RBFOX1: variants seen among roughly 807,000 people sequenced by gnomAD.
RBFOX1 encodes RNA binding fox-1 homolog 1.
Under a neutral mutation model 57.7 loss-of-function variants are expected in RBFOX1, and 8 were observed. That is an observed-to-expected ratio of 0.14 (90% CI 0.08 to 0.25). The LOEUF (loss-of-function observed/expected upper bound fraction) is 0.25, where lower values mean the gene tolerates loss of function less well. RBFOX1 is among the 10% of genes least tolerant of loss of function. The pLI is 1.00. For missense variants in RBFOX1, 611 were observed against 548.5 expected (o/e 1.11, Z -1.14); for synonymous variants, 326 against 222.4 (o/e 1.47, Z -4.15).
At chr16:6,776,704 G>A (rs976023539) in intron 3 of RBFOX1, among the ~76,000 whole-genome samples, 1 of 152,136 alleles carries the variant, frequency 6.6e-6, no homozygotes, top group East Asian at 1.9e-4. Context: ...CCCCATGCCT[G>A]CCAGGATGCA....
chr16:6,265,230 A>ATT (rs911185555), intron 1 of RBFOX1, among the ~76,000 whole-genome samples: 2 of 148,986 alleles, frequency 1.3e-5, no homozygotes, highest in African/African-American at 4.9e-5. Context: ...AAGTGGCCCT[A>ATT]TTTTTTTTTT....
chr16:6,245,324 A>G (rs2097563230), intron 1 of RBFOX1, among the ~76,000 whole-genome samples: 1 of 152,166 alleles, frequency 6.6e-6, no homozygotes, highest in Non-Finnish European at 1.5e-5. Flanking sequence ...ACCTTGCCAA[A>G]TACGTTTTCC....
intron 3 of RBFOX1, among the ~76,000 whole-genome samples, chr16:5,688,612 G>C (rs2050574800): frequency 6.6e-6 from 1 of 152,176 alleles, no homozygotes; most frequent in African/African-American, 2.4e-5. Context: ...GTGATGGCCT[G>C]AACTGGATGG....
At chr16:6,469,947 G>A (rs1339665410) in intron 2 of RBFOX1, among the ~76,000 whole-genome samples, 1 of 152,088 alleles carries the variant, frequency 6.6e-6, no homozygotes, top group African/African-American at 2.4e-5. Flanking sequence ...CATCTTACTG[G>A]TGATAAAGAG....
At chr16:6,655,625 G>C (rs917922174) in intron 3 of RBFOX1, among the ~76,000 whole-genome samples, 29 of 152,080 alleles carry the variant, frequency 1.9e-4, no homozygotes, top group African/African-American at 6.8e-4. Context: ...ATTGACAAGA[G>C]TTCACAGACA....
chr16:6,224,846 C>G (rs922620159), intron 1 of RBFOX1, among the ~76,000 whole-genome samples: 1 of 151,842 alleles, frequency 6.6e-6, no homozygotes, highest in Admixed American at 6.6e-5. Flanking sequence ...CATGGGAAAC[C>G]CCATCTCTAT....
At chr16:6,433,089 G>A (rs1177176553) in intron 2 of RBFOX1, among the ~76,000 whole-genome samples, 3 of 152,214 alleles carry the variant, frequency 2.0e-5, no homozygotes, top group South Asian at 2.1e-4. Flanking sequence ...GAAAGTCAGG[G>A]GAGAAAGTCA....
At chr16:5,469,773 C>T (rs904707528) in intron 2 of RBFOX1, among the ~76,000 whole-genome samples, 12 of 152,140 alleles carry the variant, frequency 7.9e-5, no homozygotes, top group Non-Finnish European at 1.6e-4. Context: ...TGTGGTCTTC[C>T]GTATCTGGCT....
intron 4 of RBFOX1, among the ~76,000 whole-genome samples, chr16:7,299,864 G>A (rs1295930242): frequency 1.3e-5 from 2 of 152,186 alleles, no homozygotes; most frequent in African/African-American, 2.4e-5. Flanking sequence ...TAAACCCATT[G>A]TAAGTTGAAA....
At chr16:6,248,485 C>A (rs578255977) in intron 1 of RBFOX1, among the ~76,000 whole-genome samples, 9 of 151,946 alleles carry the variant, frequency 5.9e-5, no homozygotes, top group Admixed American at 2.0e-4. Flanking sequence ...GAGCAATGTG[C>A]GTAGAGTATA....
chr16:7,276,554 AT>A (rs199648940), intron 4 of RBFOX1, among the ~76,000 whole-genome samples: 7 of 151,406 alleles, frequency 4.6e-5, no homozygotes, highest in South Asian at 2.1e-4. Flanking sequence ...TCCTTGACTG[AT>A]TTTTTTTTAA....
At chr16:6,479,579 T>C (rs983809494) in intron 2 of RBFOX1, among the ~76,000 whole-genome samples, 2 of 151,630 alleles carry the variant, frequency 1.3e-5, no homozygotes, top group Admixed American at 1.3e-4. Context: ...TAGAACGAGA[T>C]GCTGTCTCAA....
chr16:6,492,899 G>A (rs1441162260), intron 2 of RBFOX1, among the ~76,000 whole-genome samples: 3 of 152,218 alleles, frequency 2.0e-5, no homozygotes, highest in Non-Finnish European at 2.9e-5. Context: ...TACATAGAGG[G>A]CAATACTGCA....
chr16:7,323,439 T>A (rs2143303843), intron 4 of RBFOX1, among the ~76,000 whole-genome samples: 1 of 152,178 alleles, frequency 6.6e-6, no homozygotes, highest in East Asian at 1.9e-4. Flanking sequence ...ATAAATAAAA[T>A]AATTTTCTAA....
In RBFOX1 at chr16:5,681,136, C is replaced by T. The variant is rs970963984; in HGVS notation, c.318+82175C>T. Among the ~76,000 whole-genome samples, 5 of 151,766 alleles carry T rather than the reference C, an allele frequency of 3.3e-5. No individual in the cohort carries two copies. The East Asian group carries it at 5.8e-4, about 18-fold the overall frequency. ...TCACCCAGTCTGGAGTGCAGTGGTG[C>T]GATCTCGGCTCACTGCAAGCTCCAC... On this transcript the variant is annotated intron_variant, in intron 3 of 19. Transcript: ENST00000641259.
intron 3 of RBFOX1, among the ~76,000 whole-genome samples, chr16:6,667,836 C>A (rs1468373937): frequency 6.6e-6 from 1 of 151,868 alleles, no homozygotes; most frequent in African/African-American, 2.4e-5. Context: ...CTGCAGTGAC[C>A]TATAGTCGTA....
intron 4 of RBFOX1, among the ~76,000 whole-genome samples, chr16:7,183,865 C>G (rs1208418991): frequency 6.6e-6 from 1 of 152,140 alleles, no homozygotes; most frequent in African/African-American, 2.4e-5. Flanking sequence ...GGTCTCTGCC[C>G]TCATGGAACC....
At chr16:7,272,164 T>A (rs1258153268) in intron 4 of RBFOX1, among the ~76,000 whole-genome samples, 1 of 152,208 alleles carries the variant, frequency 6.6e-6, no homozygotes, top group Non-Finnish European at 1.5e-5. Flanking sequence ...GTTAATAGAT[T>A]ACTCTTTGCT....
intron 1 of RBFOX1, among the ~76,000 whole-genome samples, chr16:6,140,119 C>A (rs763034520): frequency 2.6e-5 from 4 of 151,986 alleles, no homozygotes; most frequent in African/African-American, 4.8e-5. Context: ...CTTCTTACAC[C>A]ATCTTTGTTA....
Sources: allele counts gnomAD v4.1 joint callset (sites outside exome capture counted in the v4.1 genomes callset), GRCh38; gene constraint gnomAD v4.1.1; transcripts MANE v1.5; gene names NCBI Gene and HGNC (gene_info 2026-07-23, HGNC 2026-07-21).